DPH7: variants seen among roughly 807,000 people sequenced by gnomAD.
The protein encoded by DPH7 is diphthamide biosynthesis 7.
Under a neutral mutation model 41.7 loss-of-function variants are expected in DPH7, and 44 were observed. That is an observed-to-expected ratio of 1.05 (90% CI 0.83 to 1.36). The LOEUF (loss-of-function observed/expected upper bound fraction) is 1.36, where lower values mean the gene tolerates loss of function less well. Ranked by LOEUF, DPH7 falls within the 40% of genes most tolerant of loss-of-function variation. The probability of loss-of-function intolerance (pLI) is 0.00; values close to 1 mark genes in which losing one functional copy is unlikely to be tolerated. For synonymous variants in DPH7, 275 were observed against 238.0 expected (o/e 1.16, Z -1.43); for missense variants, 629 against 577.5 (o/e 1.09, Z -0.91).
At position 137,578,852 on chromosome 9, in the gene DPH7, G is replaced by T; in HGVS notation, c.-75C>A. 13 of 1,316,048 alleles carry T rather than the reference G, an allele frequency of 9.9e-6. No individual in the cohort carries two copies. In the South Asian group the frequency reaches 1.6e-4, roughly 16 times the overall value. The allele number at this position is 1,316,048 out of a possible 1,614,324, so 81.5% of individuals were successfully genotyped here. ...GGCCGGGCTGGGTACTGCGCGGGGCGGCGAGGCCGGGGCCGGCCGGACGAG... is the reference window on the plus strand; with the variant it reads ...GGCCGGGCTGGGTACTGCGCGGGGCTGCGAGGCCGGGGCCGGCCGGACGAG... On this transcript the variant is annotated 5_prime_UTR_variant, in exon 1 of 9. Coordinates refer to ENST00000277540, the MANE Select transcript of DPH7 (RefSeq NM_138778.5).
At chr9:137,560,658 T>A (rs1471366090) in intron 8 of DPH7, among the ~76,000 whole-genome samples, 1 of 151,994 alleles carries the variant, frequency 6.6e-6, no homozygotes, top group Non-Finnish European at 1.5e-5. Flanking sequence ...ATCAAGACCA[T>A]CCTGGCTAAC....
chr9:137,575,113 C>T (rs1841150272), intron 3 of DPH7: 2 of 1,211,902 alleles, frequency 1.7e-6, no homozygotes, highest in Admixed American at 4.0e-5. Flanking sequence ...CTCCCTTTCA[C>T]ACCCCCTTGC....
chr9:137,563,869 A>G (rs879274035), intron 8 of DPH7, among the ~76,000 whole-genome samples: 1 of 151,624 alleles, frequency 6.6e-6, no homozygotes, highest in Non-Finnish European at 1.5e-5. Flanking sequence ...ATTACTGCCT[A>G]GAGAAATGTT....
intron 1 of DPH7, chr9:137,578,098 C>A (rs1841749850): frequency 3.8e-6 from 2 of 532,884 alleles, no homozygotes; most frequent in Non-Finnish European, 4.8e-6. Flanking sequence ...CGGGAGGATG[C>A]CCTGAGCCCT....
intron 8 of DPH7, among the ~76,000 whole-genome samples, chr9:137,562,218 T>C (rs59755979): frequency 0.016 from 2,451 of 151,758 alleles, 58 homozygotes; most frequent in African/African-American, 0.056. Context: ...AACCAGAAGA[T>C]CTGAACATTA....
At chr9:137,557,865 C>T (rs12553790) in intron 8 of DPH7, among the ~76,000 whole-genome samples, 34,234 of 147,246 alleles carry the variant, frequency 0.23, 4,084 homozygotes, top group Admixed American at 0.35. Flanking sequence ...CCGAGCACAG[C>T]GGCTCACGCC....
intron 4 of DPH7, 124 bp from the exon 5 acceptor site, chr9:137,574,504 C>T: frequency 9.4e-7 from 1 of 1,062,516 alleles, no homozygotes; most frequent in East Asian, 2.5e-5. Context: ...CCTTAAGAGA[C>T]TGGCGGCTAA....
At chr9:137,564,102 A>G (rs1839114846) in intron 8 of DPH7, among the ~76,000 whole-genome samples, 1 of 152,114 alleles carries the variant, frequency 6.6e-6, no homozygotes, top group Non-Finnish European at 1.5e-5. Context: ...AGCATGGGAG[A>G]GCACAGACAA....
intron 1 of DPH7, 37 bp downstream of exon 1, chr9:137,578,588 G>GCCCCCCCCCCCCCCCCCCCACC: frequency 7.0e-7 from 1 of 1,436,782 alleles, no homozygotes; most frequent in Non-Finnish European, 9.1e-7. Context: ...CTCGTGGCCG[G>GCCCCCCCCCCCCCCCCCCCACC]CCCCGCCCTC....
intron 8 of DPH7, among the ~76,000 whole-genome samples, chr9:137,562,220 T>G (rs1400123684): frequency 6.6e-6 from 1 of 151,912 alleles, no homozygotes; most frequent in Non-Finnish European, 1.5e-5. Context: ...CCAGAAGATC[T>G]GAACATTATA....
chr9:137,578,644 G>T lies in DPH7; in HGVS notation c.134C>A (p.Pro45His), dbSNP rs1246912621. The change falls in exon 1 of 9, where the codon CCT (proline) becomes CAT (histidine). Residue 45 changes from proline (P) to histidine (H), a missense_variant. Transcript: ENST00000277540. ...TYQLRRPEDR[P>H]AGPQNKGGME... The stretch of plus-strand genomic sequence containing the variant: ...GCGCACCTTGTTCTGGGGGCCGGCA[G>T]GCCGGTCCTCCGGCCGCCGCAGCTG... The T allele has an allele frequency of 2.0e-6, 3 of 1,513,972 alleles. No individual in the cohort carries two copies. In the African/African-American group the frequency reaches 4.3e-5, roughly 22 times the overall value. 93.8% of individuals were successfully genotyped at this position (1,513,972 alleles called of 1,614,324 possible). A position where few individuals can be genotyped will look rare whatever the true frequency, so the allele number is the denominator to read the frequency against.
Position 137,560,630 on chromosome 9 carries a change from G to A in DPH7, c.949+3804C>T, listed in dbSNP as rs977937209. Among the ~76,000 whole-genome samples the A allele has an allele frequency of 5.3e-5, 8 of 151,160 alleles. No individual in the cohort carries two copies. The East Asian group carries it at 7.8e-4, about 15-fold the overall frequency. On this transcript the variant is annotated intron_variant, in intron 8 of 8. Transcript: ENST00000277540. ...AGCACTTTGGGAGGCCGAGGCGGGC[G>A]GATCACGAGGTCAGGAGATCAAGAC...
rs1837339685 is a variant in DPH7 at position 137,555,532 on chromosome 9, AGGACCACGAGGG to A, written c.1054_1065del (p.Pro352_Ser355del). On this transcript the variant is annotated inframe_deletion, in exon 9 of 9. Coordinates refer to ENST00000277540, the MANE Select transcript of DPH7 (RefSeq NM_138778.5). Reference sequence around the variant, plus strand: ...GTCTTGGTTCCTAGGTTGCTAGGAAAGGACCACGAGGGGGCCCGCTGCAGAGAACGGAAGAGC... The same window carrying A: ...GTCTTGGTTCCTAGGTTGCTAGGAAAGGCCCGCTGCAGAGAACGGAAGAGC... 1.2e-6 allele frequency: 2 copies of A among 1,613,992 alleles called. No individual in the cohort carries two copies. Among genetic ancestry groups the A allele is most frequent in the African/African-American group, 2.7e-5 (2 of 74,934 alleles).
intron 5 of DPH7, among the ~76,000 whole-genome samples, chr9:137,571,162 C>A (rs1035151504): frequency 6.6e-6 from 1 of 152,022 alleles, no homozygotes; most frequent in African/African-American, 2.4e-5. Context: ...GAACCACCCA[C>A]CCCATCCTCA....
In DPH7 at chr9:137,564,472, T is replaced by C; in HGVS notation, c.911A>G (p.His304Arg). The C allele has an allele frequency of 3.7e-6, 6 of 1,614,086 alleles. No homozygotes were observed. Among genetic ancestry groups the C allele is most frequent in the Non-Finnish European group, 5.1e-6 (6 of 1,179,992 alleles). The change falls in exon 8 of 9, where the codon CAC (histidine) becomes CGC (arginine). Residue 304 changes from histidine (H) to arginine (R), a missense_variant. By Grantham distance (29) the His-to-Arg change is conservative. Coordinates refer to ENST00000277540, the MANE Select transcript of DPH7 (RefSeq NM_138778.5). The part of the protein sequence containing the change: ...HHHLLLAACM[H>R]SGFKILNCQK... ...GCAGTTGAGGATCTTAAAGCCACTG[T>C]GCATGCAGGCGGCCAGGAGCAGGTG...
chr9:137,574,099 A>G (rs1431574746), intron 5 of DPH7, 109 bp downstream of exon 5: 4 of 1,223,942 alleles, frequency 3.3e-6, no homozygotes, highest in Non-Finnish European at 4.6e-6. Context: ...AAAGGTCTTC[A>G]AGATCCCAAC....
intron 8 of DPH7, among the ~76,000 whole-genome samples, chr9:137,563,571 G>A (rs921262084): frequency 2.7e-5 from 4 of 150,042 alleles, no homozygotes; most frequent in African/African-American, 4.9e-5. Context: ...TGCGGAAATC[G>A]AGTCAATCAA....
chr9:137,568,287 CTCTG>C (rs1301057951), intron 5 of DPH7, among the ~76,000 whole-genome samples: 1 of 31,408 alleles, frequency 3.2e-5, no homozygotes, highest in Non-Finnish European at 5.9e-5. Flanking sequence ...CCCTGGGTGA[CTCTG>C]TCTGTGAGGA....
intron 8 of DPH7, among the ~76,000 whole-genome samples, chr9:137,561,542 CAAAA>C (rs557915176): frequency 1.1e-4 from 6 of 52,252 alleles, no homozygotes; most frequent in Non-Finnish European, 2.1e-4. Context: ...GACTCCATCT[CAAAA>C]AAAAAAAAAA....
Sources: allele counts gnomAD v4.1 joint callset (sites outside exome capture counted in the v4.1 genomes callset), GRCh38; gene constraint gnomAD v4.1.1; transcripts MANE v1.5; gene names NCBI Gene and HGNC (gene_info 2026-07-23, HGNC 2026-07-21).